NR5A2: variants seen among roughly 807,000 people sequenced by gnomAD.
The protein encoded by NR5A2 is CYP7A promoter-binding factor.
Under a neutral mutation model 62.7 loss-of-function variants are expected in NR5A2, and 26 were observed. That is an observed-to-expected ratio of 0.41 (90% CI 0.30 to 0.58). The LOEUF is 0.58. Among genes scored for constraint, NR5A2 ranks in the 20% least tolerant of loss-of-function variants. NR5A2 has a pLI of 0.22. For synonymous variants in NR5A2, 246 were observed against 241.7 expected (o/e 1.02, Z -0.16); for missense variants, 541 against 669.1 (o/e 0.81, Z 2.11).
chr1:200,146,243 C>T (rs2816966), intron 7 of NR5A2, among the ~76,000 whole-genome samples: 132,035 of 152,232 alleles, frequency 0.87, 59,254 homozygotes, highest in Non-Finnish European at 0.98. Context: ...AATTCATCTA[C>T]CTGCTACAAT....
At chr1:200,074,241 A>C (rs1663895576) in intron 5 of NR5A2, among the ~76,000 whole-genome samples, 1 of 151,954 alleles carries the variant, frequency 6.6e-6, no homozygotes, top group Non-Finnish European at 1.5e-5. Flanking sequence ...CTTTTTGATA[A>C]TGAATTATGA....
chr1:200,145,166 C>G (rs1324789731), intron 7 of NR5A2, among the ~76,000 whole-genome samples: 1 of 152,062 alleles, frequency 6.6e-6, no homozygotes, highest in Non-Finnish European at 1.5e-5. Flanking sequence ...AAAAATTAGC[C>G]AGGCGTGGTG....
chr1:200,131,012 A>G (rs1465482925), intron 7 of NR5A2, among the ~76,000 whole-genome samples: 1 of 152,226 alleles, frequency 6.6e-6, no homozygotes, highest in Non-Finnish European at 1.5e-5. Context: ...AACTGCACAT[A>G]TCTTCATACT....
intron 7 of NR5A2, among the ~76,000 whole-genome samples, chr1:200,156,421 G>A (rs1192284767): frequency 2.0e-5 from 3 of 151,986 alleles, no homozygotes; most frequent in Non-Finnish European, 2.9e-5. Flanking sequence ...TTTCTGAGAC[G>A]GAGTCTCACT....
Position 200,039,484 on chromosome 1 carries a change from G to T in NR5A2, c.65-174G>T, listed in dbSNP as rs1558096970. ...CTTTTTTAACCCTGACCTCCTCCTC[G>T]CAGCTTGGGGGCGGCTCCGGAGCTG... is the stretch of plus-strand genomic sequence containing the variant. On this transcript the variant is annotated intron_variant, in intron 1 of 7. Coordinates refer to ENST00000367362, the MANE Select transcript of NR5A2 (RefSeq NM_205860.3). The surrounding 1 kb of genome is among the most constrained non-coding windows in gnomAD (Gnocchi z 5.1). Among the ~76,000 whole-genome samples, 1 of 152,094 alleles carries T rather than the reference G, an allele frequency of 6.6e-6. No individual in the cohort carries two copies. Among genetic ancestry groups the T allele is most frequent in the Non-Finnish European group, 1.5e-5 (1 of 67,996 alleles).
chr1:200,143,282 G>A (rs557993082), intron 7 of NR5A2, among the ~76,000 whole-genome samples: 1 of 152,248 alleles, frequency 6.6e-6, no homozygotes, highest in African/African-American at 2.4e-5. Flanking sequence ...TGGTCATACT[G>A]AAGATACTTT....
intron 5 of NR5A2, among the ~76,000 whole-genome samples, chr1:200,073,262 T>C: frequency 1.4e-5 from 1 of 71,536 alleles, no homozygotes; most frequent in African/African-American, 6.8e-5. Flanking sequence ...ATATATATAT[T>C]CCCCTTTATA....
At chr1:200,165,002 G>A (rs968653915) in intron 7 of NR5A2, among the ~76,000 whole-genome samples, 3 of 148,096 alleles carry the variant, frequency 2.0e-5, no homozygotes, top group Non-Finnish European at 3.0e-5. Context: ...TCAGCCTCCC[G>A]AGTAGCTGGG....
chr1:200,143,909 G>C (rs901297748), intron 7 of NR5A2, among the ~76,000 whole-genome samples: 2 of 152,008 alleles, frequency 1.3e-5, no homozygotes, highest in African/African-American at 4.8e-5. Flanking sequence ...AAAGTGCTGG[G>C]ATTACAGGCA....
chr1:200,103,547 A>G (rs1665497648), intron 5 of NR5A2, among the ~76,000 whole-genome samples: 3 of 152,178 alleles, frequency 2.0e-5, no homozygotes, highest in Non-Finnish European at 2.9e-5. Context: ...AAGAACTAGG[A>G]TGTAATAAGA....
intron 7 of NR5A2, among the ~76,000 whole-genome samples, chr1:200,157,666 T>C (rs1653452008): frequency 1.3e-5 from 2 of 152,244 alleles, no homozygotes; most frequent in South Asian, 2.1e-4. Context: ...CCCTGAGCAA[T>C]TGAATGAATT....
chr1:200,096,585 A>C (rs2257002), intron 5 of NR5A2, among the ~76,000 whole-genome samples: 135,476 of 152,182 alleles, frequency 0.89, 60,550 homozygotes, highest in East Asian at 0.97. Context: ...GAATTACCTT[A>C]TTGTTTGACA....
chr1:200,032,962 A>G (rs917871563), intron 1 of NR5A2, among the ~76,000 whole-genome samples: 2 of 152,236 alleles, frequency 1.3e-5, no homozygotes, highest in Admixed American at 6.5e-5. Flanking sequence ...CTTAAGAAAC[A>G]TATTTGTAAG....
At chr1:200,057,781 G>A (rs2977424) in intron 5 of NR5A2, 60,997 of 176,260 alleles carry the variant, frequency 0.35, 13,438 homozygotes, top group African/African-American at 0.66. Flanking sequence ...GCGCCTGGCC[G>A]TAATTGTGCT....
chr1:200,143,162 A>G (rs1197790043), intron 7 of NR5A2, among the ~76,000 whole-genome samples: 3 of 152,080 alleles, frequency 2.0e-5, no homozygotes, highest in East Asian at 1.9e-4. Flanking sequence ...TTTGCTACAC[A>G]CACTGTGCTC....
chr1:200,121,024 T>C, intron 7 of NR5A2, 69 bp downstream of exon 7: 2 of 1,543,358 alleles, frequency 1.3e-6, no homozygotes, highest in Non-Finnish European at 1.8e-6. Flanking sequence ...TCAAATATCT[T>C]GTGGTCCATG....
At chr1:200,162,068 A>G (rs1046090826) in intron 7 of NR5A2, among the ~76,000 whole-genome samples, 1 of 152,268 alleles carries the variant, frequency 6.6e-6, no homozygotes, top group East Asian at 1.9e-4. Context: ...ACAAGCAAGC[A>G]AGAAGACTGG....
At position 200,028,812 on chromosome 1, in the gene NR5A2, T is replaced by C. The variant is rs548205092; in HGVS notation, c.64+901T>C. On this transcript the variant is annotated intron_variant, in intron 1 of 7. Coordinates refer to ENST00000367362, the MANE Select transcript of NR5A2 (RefSeq NM_205860.3). ...AGCTCTCTGAGTCTCAGCTCCATTA[T>C]AACAAGAAAGAAAATCAAGGCTTGA... Among the ~76,000 whole-genome samples, 77 of 152,322 alleles carry C rather than the reference T, an allele frequency of 5.1e-4. 1 individual carries two copies. The highest frequency in any genetic ancestry group is 1.1e-3 in the African/African-American group (44 of 41,578).
Position 200,053,548 on chromosome 1 carries a change from C to T in NR5A2, c.1110+4730C>T, listed in dbSNP as rs190854362. Among the ~76,000 whole-genome samples the T allele has an allele frequency of 8.9e-3, 1,271 of 142,192 alleles. 11 individuals are homozygous for T. Among genetic ancestry groups the T allele is most frequent in the Non-Finnish European group, 0.015 (979 of 64,712 alleles). The allele number at this position is 142,192 out of a possible 152,430, so 93.3% of individuals were successfully genotyped here. A position where few individuals can be genotyped will look rare whatever the true frequency, so the allele number is the denominator to read the frequency against. On this transcript the variant is annotated intron_variant, in intron 5 of 7. Coordinates refer to ENST00000367362, the MANE Select transcript of NR5A2 (RefSeq NM_205860.3). ...AGCAGTCCTCTTGTACGCATTCCCT[C>T]ATCCCCCCCAGCATGCACACGCACA...
Sources: gnomAD v4.1 joint callset for allele counts (sites outside exome capture counted in the v4.1 genomes callset) on GRCh38, gnomAD v4.1.1 for gene constraint, Gnocchi (gnomAD v3.1) non-coding constraint, MANE v1.5 for transcripts, NCBI Gene and HGNC (gene_info 2026-07-23, HGNC 2026-07-21) for gene names.